The following TAOK3 variants were observed in gnomAD, a reference collection of about 807,000 sequenced individuals.
TAOK3 encodes the protein serine/threonine-protein kinase TAO3.
A neutral mutation model predicts 120.4 loss-of-function variants in TAOK3; 40 were observed. That is an observed-to-expected ratio of 0.33 (90% CI 0.26 to 0.43). TAOK3 has a LOEUF of 0.43. Among genes scored for constraint, TAOK3 ranks in the 20% least tolerant of loss-of-function variants. The pLI is 1.00. For synonymous variants in TAOK3, 355 were observed against 387.5 expected, an observed-to-expected ratio of 0.92 and a Z score of 0.99; for missense variants, 821 against 1,112.1, an observed-to-expected ratio of 0.74 and a Z score of 3.72.
intron 14 of TAOK3, among the ~76,000 whole-genome samples, chr12:118,182,170 G>T (rs1362626783): frequency 2.6e-5 from 4 of 151,988 alleles, no homozygotes; most frequent in African/African-American, 9.7e-5. Flanking sequence ...GGGTGACAGA[G>T]ACTCTGTCTC....
rs1008319997 is a variant in TAOK3 at position 118,371,175 on chromosome 12, C to T, written c.-194+1473G>A. 6.6e-6 allele frequency among the ~76,000 whole-genome samples: 1 copy of T among 152,168 alleles called. No homozygotes were observed. The highest frequency in any genetic ancestry group is 1.5e-5 in the Non-Finnish European group (1 of 68,028). On this transcript the variant is annotated intron_variant, in intron 1 of 20. Coordinates refer to ENST00000392533, the MANE Select transcript of TAOK3 (RefSeq NM_016281.4). The surrounding 1 kb of genome is among the most constrained non-coding windows in gnomAD (Gnocchi z 5.5). ...ATGAAAAACCAGTAGTCCAGGAAAA[C>T]GCAAGGGTCTATCAAAGAAATATTC...
At chr12:118,158,076 C>A (rs2034962504) in intron 19 of TAOK3, among the ~76,000 whole-genome samples, 1 of 152,182 alleles carries the variant, frequency 6.6e-6, no homozygotes, top group African/African-American at 2.4e-5. Context: ...CCAATGAACA[C>A]CTCAAAGTTT....
intron 17 of TAOK3, among the ~76,000 whole-genome samples, chr12:118,162,770 T>C (rs2035307306): frequency 6.6e-6 from 1 of 152,188 alleles, no homozygotes. Flanking sequence ...TACTCATGTC[T>C]TTCTTTCTTC....
intron 9 of TAOK3, among the ~76,000 whole-genome samples, chr12:118,216,667 G>A (rs1020277157): frequency 6.6e-6 from 1 of 152,084 alleles, no homozygotes; most frequent in African/African-American, 2.4e-5. Context: ...GGTGGCTCAC[G>A]CCTGTAATTC....
chr12:118,235,445 C>T (rs979241254), intron 8 of TAOK3, 113 bp downstream of exon 8: 21 of 702,232 alleles, frequency 3.0e-5, no homozygotes, highest in Non-Finnish European at 4.4e-5. Flanking sequence ...AATGAAACCT[C>T]GTTTTGAGGC....
chr12:118,342,793 G>A (rs2044669998), intron 1 of TAOK3, among the ~76,000 whole-genome samples: 1 of 152,028 alleles, frequency 6.6e-6, no homozygotes, highest in Non-Finnish European at 1.5e-5. Flanking sequence ...AATTAGCCAG[G>A]CAAGGTAGCA....
intron 13 of TAOK3, 133 bp from the exon 14 acceptor site, chr12:118,190,074 A>G (rs565970179): frequency 3.5e-5 from 40 of 1,132,488 alleles, no homozygotes; most frequent in Admixed American, 9.0e-5. Flanking sequence ...TAGTCCCCGC[A>G]GCTCCCACGG....
At chr12:118,273,325 A>G (rs1164098328) in intron 1 of TAOK3, among the ~76,000 whole-genome samples, 1 of 151,850 alleles carries the variant, frequency 6.6e-6, no homozygotes, top group African/African-American at 2.4e-5. Context: ...ACACGGTGAA[A>G]CCCCATCTCT....
intron 1 of TAOK3, among the ~76,000 whole-genome samples, chr12:118,348,795 A>G (rs1350105211): frequency 6.6e-6 from 1 of 151,788 alleles, no homozygotes; most frequent in Non-Finnish European, 1.5e-5. Flanking sequence ...AATTAGCTAA[A>G]TACACAATAT....
At chr12:118,360,806 T>C (rs1423306029) in intron 1 of TAOK3, among the ~76,000 whole-genome samples, 1 of 152,186 alleles carries the variant, frequency 6.6e-6, no homozygotes, top group African/African-American at 2.4e-5. Context: ...TTGTAGTTAG[T>C]GTAGTTACTA....
intron 7 of TAOK3, 127 bp from the exon 8 acceptor site, chr12:118,235,798 G>A (rs1565991814): frequency 1.6e-6 from 1 of 626,058 alleles, no homozygotes; most frequent in Non-Finnish European, 2.7e-6. Flanking sequence ...AACAAACCTT[G>A]CTCAGATAGC....
At chr12:118,286,443 T>C (rs746823733) in intron 1 of TAOK3, among the ~76,000 whole-genome samples, 27 of 151,762 alleles carry the variant, frequency 1.8e-4, no homozygotes, top group Non-Finnish European at 3.5e-4. Flanking sequence ...TCAAAAGATA[T>C]TACAAATGGC....
In TAOK3 at chr12:118,199,216, G is replaced by A; in HGVS notation, c.1029C>T (p.Ser343=). 6.2e-7 allele frequency: 1 copy of A among 1,614,112 alleles called. No homozygotes were observed. Among genetic ancestry groups the A allele is most frequent in the Non-Finnish European group, 8.5e-7 (1 of 1,180,006 alleles). Residue 343 remains serine (S), a synonymous_variant, in exon 13 of 21, where the codon AGC becomes AGT. Coordinates refer to ENST00000392533, the MANE Select transcript of TAOK3 (RefSeq NM_016281.4). ...HGTSLNREMD[S]LGSNHSIPSM... is the part of the protein sequence containing the mutation. ...TTGGAATGGAATGGTTGCTGCCCAG[G>A]CTGTCCATTTCCCTGTTCAGGCTGG...
At chr12:118,188,199 A>G (rs984808260) in intron 14 of TAOK3, among the ~76,000 whole-genome samples, 19 of 152,002 alleles carry the variant, frequency 1.2e-4, no homozygotes, top group African/African-American at 4.6e-4. Flanking sequence ...TCATTTCCCC[A>G]CTCATTTCAA....
intron 1 of TAOK3, among the ~76,000 whole-genome samples, chr12:118,312,814 G>A (rs2043309439): frequency 6.6e-6 from 1 of 152,090 alleles, no homozygotes; most frequent in Non-Finnish European, 1.5e-5. Context: ...GAGTAACACC[G>A]ATCTTAACTA....
chr12:118,340,010 A>G (rs2044548510), intron 1 of TAOK3, among the ~76,000 whole-genome samples: 1 of 152,204 alleles, frequency 6.6e-6, no homozygotes, highest in African/African-American at 2.4e-5. Context: ...TCCACATACC[A>G]TTCCTGCTAC....
rs1341138923 is a variant in TAOK3 at position 118,369,736 on chromosome 12, T to C, written c.-194+2912A>G. Among the ~76,000 whole-genome samples, 9 of 151,492 alleles carry C rather than the reference T, an allele frequency of 5.9e-5. No individual in the cohort carries two copies. In the East Asian group the frequency reaches 1.7e-3, roughly 29 times the overall value. ...TTTACTTGAATTCGATCTAGCATTC[T>C]GGAAAAATAAATTTAATGTAAAAAA... On this transcript the variant is annotated intron_variant, in intron 1 of 20. Coordinates refer to ENST00000392533, the MANE Select transcript of TAOK3 (RefSeq NM_016281.4).
intron 17 of TAOK3, among the ~76,000 whole-genome samples, chr12:118,170,378 G>C (rs1691826738): frequency 1.3e-5 from 2 of 152,156 alleles, no homozygotes; most frequent in African/African-American, 4.8e-5. Context: ...CCCCCATTGA[G>C]AATCTATGTT....
intron 1 of TAOK3, among the ~76,000 whole-genome samples, chr12:118,280,532 C>A (rs960804326): frequency 1.3e-5 from 2 of 152,204 alleles, no homozygotes; most frequent in Non-Finnish European, 2.9e-5. Context: ...TCTGGGCTCT[C>A]TATTCTGTTC....
Sources: gnomAD v4.1 joint callset for allele counts (sites outside exome capture counted in the v4.1 genomes callset) on GRCh38, gnomAD v4.1.1 for gene constraint, Gnocchi (gnomAD v3.1) non-coding constraint, MANE v1.5 for transcripts, NCBI Gene and HGNC (gene_info 2026-07-23, HGNC 2026-07-21) for gene names.